ARSJ: variants seen among roughly 807,000 people sequenced by gnomAD.
The protein encoded by ARSJ is arylsulfatase family member J, also known as arylsulfatase J.
Under a neutral mutation model 35.9 loss-of-function variants are expected in ARSJ, and 26 were observed. The ratio of observed to expected loss-of-function variants is 0.72; its 90% CI spans 0.53 to 1.00. The LOEUF (loss-of-function observed/expected upper bound fraction) is 1.00. ARSJ is among the 50% of genes least tolerant of loss of function. The pLI, the probability that ARSJ is intolerant of heterozygous loss-of-function variation, is 0.00. For synonymous variants in ARSJ, 294 were observed against 267.6 expected, an observed-to-expected ratio of 1.10 and a Z score of -0.96; for missense variants, 667 against 723.6, an observed-to-expected ratio of 0.92 and a Z score of 0.90.
chr4:113,920,011 G>A (rs1310037018), intron 1 of ARSJ, among the ~76,000 whole-genome samples: 1 of 151,396 alleles, frequency 6.6e-6, no homozygotes, highest in Non-Finnish European at 1.5e-5. Flanking sequence ...CTTCCTTCTT[G>A]TGTATTGTAT....
intron 1 of ARSJ, among the ~76,000 whole-genome samples, chr4:113,974,678 A>T (rs191743702): frequency 1.3e-5 from 2 of 152,252 alleles, no homozygotes; most frequent in East Asian, 1.9e-4. Context: ...CTAAATGTTG[A>T]CAAAGATGTG....
chr4:113,903,711 G>T, intron 1 of ARSJ, 36 bp from the exon 2 acceptor site: 1 of 1,538,602 alleles, frequency 6.5e-7, no homozygotes, highest in Non-Finnish European at 8.8e-7. Context: ...ATCAGGGCAG[G>T]ATAAAAGAGA....
chr4:113,933,722 C>T (rs1594441447), intron 1 of ARSJ, among the ~76,000 whole-genome samples: 1 of 151,672 alleles, frequency 6.6e-6, no homozygotes, highest in South Asian at 2.1e-4. Flanking sequence ...AAGGAACATA[C>T]TTTAAAATAA....
chr4:113,967,085 G>T (rs78252163), intron 1 of ARSJ, among the ~76,000 whole-genome samples: 2,920 of 152,124 alleles, frequency 0.019, 123 homozygotes, highest in East Asian at 0.16. Flanking sequence ...ATTTTATTAT[G>T]GATTATATTC....
At chr4:113,973,631 CT>C (rs1164143879) in intron 1 of ARSJ, among the ~76,000 whole-genome samples, 1 of 152,164 alleles carries the variant, frequency 6.6e-6, no homozygotes, top group Non-Finnish European at 1.5e-5. Flanking sequence ...ACCCAATTCA[CT>C]TTCTTACTCT....
intron 1 of ARSJ, among the ~76,000 whole-genome samples, chr4:113,925,513 C>T (rs1404633600): frequency 2.6e-5 from 4 of 152,070 alleles, no homozygotes; most frequent in East Asian, 1.9e-4. Flanking sequence ...ACCTAGTTAG[C>T]GTTGTAATTG....
intron 1 of ARSJ, among the ~76,000 whole-genome samples, chr4:113,924,104 T>TAAAA (rs1562345815): frequency 7.7e-6 from 1 of 129,070 alleles, no homozygotes; most frequent in Non-Finnish European, 1.6e-5. Flanking sequence ...TATATATATA[T>TAAAA]ATATATATAT....
intron 1 of ARSJ, among the ~76,000 whole-genome samples, chr4:113,912,502 GA>G (rs200856962): frequency 2.0e-5 from 3 of 150,232 alleles, no homozygotes; most frequent in Admixed American, 6.6e-5. Context: ...TATATAGATG[GA>G]AAAAAAAAGA....
chr4:113,952,979 C>T (rs534875289), intron 1 of ARSJ, among the ~76,000 whole-genome samples: 2 of 152,128 alleles, frequency 1.3e-5, no homozygotes, highest in African/African-American at 4.8e-5. Context: ...CAGCAATAAT[C>T]GTTACAATTT....
chr4:113,956,759 T>C (rs1378272868), intron 1 of ARSJ, among the ~76,000 whole-genome samples: 2 of 151,960 alleles, frequency 1.3e-5, no homozygotes, highest in Non-Finnish European at 2.9e-5. Flanking sequence ...AATGGTGACA[T>C]GGTCACTGCA....
intron 1 of ARSJ, among the ~76,000 whole-genome samples, chr4:113,973,369 G>A (rs1358130350): frequency 6.6e-6 from 1 of 152,116 alleles, no homozygotes; most frequent in Non-Finnish European, 1.5e-5. Flanking sequence ...ATTGACCTCA[G>A]CACTTTTTAA....
chr4:113,923,627 A>C (rs1380170940), intron 1 of ARSJ, among the ~76,000 whole-genome samples: 1 of 152,070 alleles, frequency 6.6e-6, no homozygotes, highest in Non-Finnish European at 1.5e-5. Context: ...TGGTGTATAC[A>C]TTTCCAGCAT....
intron 1 of ARSJ, among the ~76,000 whole-genome samples, chr4:113,914,139 A>G: frequency 6.6e-6 from 1 of 151,802 alleles, no homozygotes; most frequent in Non-Finnish European, 1.5e-5. Context: ...ACGCCCAGCT[A>G]ATTTTTGTAT....
intron 1 of ARSJ, among the ~76,000 whole-genome samples, chr4:113,947,994 GC>G: frequency 6.6e-6 from 1 of 152,154 alleles, no homozygotes; most frequent in Non-Finnish European, 1.5e-5. Flanking sequence ...TTCGAGACCA[GC>G]CTGGGCAACA....
chr4:113,940,345 T>C (rs1725068967), intron 1 of ARSJ, among the ~76,000 whole-genome samples: 1 of 152,096 alleles, frequency 6.6e-6, no homozygotes, highest in Non-Finnish European at 1.5e-5. Flanking sequence ...TGCAGGGACA[T>C]GGATGGAGCT....
chr4:113,972,298 A>AC (rs1562379312), intron 1 of ARSJ, among the ~76,000 whole-genome samples: 1 of 141,832 alleles, frequency 7.1e-6, no homozygotes, highest in Non-Finnish European at 1.6e-5. Flanking sequence ...ATCTGGAAAA[A>AC]AAAAAAAACA....
Position 113,978,934 on chromosome 4 carries a change from G to A in ARSJ, c.-100C>T. 7.8e-7 allele frequency: 1 copy of A among 1,285,370 alleles called. No homozygotes were observed. Among genetic ancestry groups the A allele is most frequent in the Non-Finnish European group, 1.1e-6 (1 of 937,724 alleles). 79.6% of individuals were successfully genotyped at this position (1,285,370 alleles called of 1,614,324 possible). A position where few individuals can be genotyped will look rare whatever the true frequency, so the allele number is the denominator to read the frequency against. ...AACAGACGGTGAAGACTCTCCACCT[G>A]GCAAGAAATCCTCCTCTCCTCTCAG... On this transcript the variant is annotated 5_prime_UTR_variant, in exon 1 of 2. Coordinates refer to ENST00000315366, the MANE Select transcript of ARSJ (RefSeq NM_024590.4).
At chr4:113,967,695 G>A (rs959406447) in intron 1 of ARSJ, among the ~76,000 whole-genome samples, 2 of 152,090 alleles carry the variant, frequency 1.3e-5, no homozygotes, top group Admixed American at 6.6e-5. Flanking sequence ...ACTAAAGGTT[G>A]CTACCAATCT....
At chr4:113,956,565 T>A (rs1562368926) in intron 1 of ARSJ, among the ~76,000 whole-genome samples, 1 of 151,904 alleles carries the variant, frequency 6.6e-6, no homozygotes, top group African/African-American at 2.4e-5. Context: ...AAGAAAGCAA[T>A]GAATAAAATG....
Sources: gnomAD v4.1 joint callset for allele counts (sites outside exome capture counted in the v4.1 genomes callset) on GRCh38, gnomAD v4.1.1 for gene constraint, MANE v1.5 for transcripts, NCBI Gene and HGNC (gene_info 2026-07-23, HGNC 2026-07-21) for gene names.